THSD4: variants seen among roughly 807,000 people sequenced by gnomAD.
THSD4 encodes thrombospondin type-1 domain-containing protein 4.
Under a neutral mutation model 119.0 loss-of-function variants are expected in THSD4, and 69 were observed. The observed-to-expected ratio is 0.58, with a 90% CI of 0.48 to 0.71. THSD4 has a LOEUF of 0.71. THSD4 is among the 30% of genes least tolerant of loss of function. The probability of loss-of-function intolerance (pLI) is 0.00; values close to 1 mark genes in which losing one functional copy is unlikely to be tolerated. For synonymous variants in THSD4, 524 were observed against 540.4 expected (o/e 0.97, Z 0.42); for missense variants, 1,393 against 1,391.1 (o/e 1.00, Z -0.02).
At chr15:71,589,085 G>A (rs2049746769) in intron 7 of THSD4, among the ~76,000 whole-genome samples, 2 of 152,154 alleles carry the variant, frequency 1.3e-5, no homozygotes, top group Non-Finnish European at 2.9e-5. Flanking sequence ...TTTTACAATG[G>A]AGAGTTGGAG....
intron 3 of THSD4, among the ~76,000 whole-genome samples, chr15:71,193,724 T>G (rs2043693302): frequency 6.6e-6 from 1 of 152,194 alleles, no homozygotes; most frequent in African/African-American, 2.4e-5. Context: ...TTCTTTTTTT[T>G]TGAGACGGAG....
chr15:71,466,305 A>G (rs1190359942), intron 7 of THSD4, among the ~76,000 whole-genome samples: 1 of 151,356 alleles, frequency 6.6e-6, no homozygotes, highest in Non-Finnish European at 1.5e-5. Flanking sequence ...AGATTGCACC[A>G]CTGCACTCCA....
intron 1 of THSD4, among the ~76,000 whole-genome samples, chr15:71,121,327 G>T (rs964963377): frequency 1.3e-5 from 2 of 151,962 alleles, no homozygotes; most frequent in East Asian, 1.9e-4. Context: ...ACTATCTCAG[G>T]CGTGTAGAAA....
chr15:71,180,490 T>G (rs1354121205), intron 3 of THSD4, among the ~76,000 whole-genome samples: 1 of 152,056 alleles, frequency 6.6e-6, no homozygotes, highest in East Asian at 1.9e-4. Flanking sequence ...ATTATCTGAT[T>G]GTGGTGGTGG....
chr15:71,482,928 C>A (rs1397485113), intron 7 of THSD4, among the ~76,000 whole-genome samples: 1 of 152,148 alleles, frequency 6.6e-6, no homozygotes, highest in Non-Finnish European at 1.5e-5. Context: ...TTTCTCATAA[C>A]TGCCACCCTC....
intron 11 of THSD4, among the ~76,000 whole-genome samples, chr15:71,740,639 C>A (rs1281536174): frequency 3.3e-5 from 5 of 152,178 alleles, no homozygotes; most frequent in Non-Finnish European, 5.9e-5. Context: ...ACCAAATGTT[C>A]CAGTTTTTGC....
intron 6 of THSD4, among the ~76,000 whole-genome samples, chr15:71,379,948 G>T (rs1300724292): frequency 6.6e-6 from 1 of 152,044 alleles, no homozygotes; most frequent in Non-Finnish European, 1.5e-5. Flanking sequence ...AATATTTATG[G>T]ACACAAAAAG....
At chr15:71,239,320 CTG>C (rs2140271610) in intron 4 of THSD4, among the ~76,000 whole-genome samples, 1 of 152,300 alleles carries the variant, frequency 6.6e-6, no homozygotes, top group African/African-American at 2.4e-5. Context: ...ACGACCCTGA[CTG>C]TTATCTCCTT....
chr15:71,116,256 G>C (rs1189689219), intron 1 of THSD4, among the ~76,000 whole-genome samples: 3 of 152,256 alleles, frequency 2.0e-5, no homozygotes, highest in Non-Finnish European at 2.9e-5. Flanking sequence ...GAGTGGATGG[G>C]TTGTTTCCGC....
intron 17 of THSD4, among the ~76,000 whole-genome samples, 189 bp downstream of exon 17, chr15:71,771,397 G>A (rs1038047024): frequency 5.3e-5 from 8 of 152,150 alleles, no homozygotes; most frequent in Non-Finnish European, 1.2e-4. Context: ...TAGCGAGGAT[G>A]GCTGTCTAAG....
At chr15:71,551,658 T>C (rs542186351) in intron 7 of THSD4, among the ~76,000 whole-genome samples, 17 of 152,234 alleles carry the variant, frequency 1.1e-4, no homozygotes, top group East Asian at 7.7e-4. Flanking sequence ...GGTTTTTTTT[T>C]CCCAGGGAAG....
intron 7 of THSD4, chr15:71,547,535 T>G (rs1047229208): frequency 6.5e-7 from 1 of 1,542,260 alleles, no homozygotes; most frequent in African/African-American, 1.4e-5. Flanking sequence ...AGCATTATAT[T>G]TCCTCTTCTA....
intron 4 of THSD4, among the ~76,000 whole-genome samples, chr15:71,218,258 G>A (rs1046875598): frequency 4.6e-5 from 7 of 152,232 alleles, no homozygotes; most frequent in African/African-American, 1.7e-4. Context: ...CAGTGGACAA[G>A]CTGAGTTTTG....
At position 71,207,644 on chromosome 15, in the gene THSD4, A is replaced by G. The variant is rs1270934534; in HGVS notation, c.100-7391A>G. On this transcript the variant is annotated intron_variant, in intron 3 of 17. Transcript: ENST00000261862. The stretch of plus-strand genomic sequence containing the variant: ...GAGCGGCGGGTCAGCGGGCATTACC[A>G]TCTGAGCTCCACCTCCTGTCAGATG... Among the ~76,000 whole-genome samples, 2 of 152,226 alleles carry G rather than the reference A, an allele frequency of 1.3e-5. 1 individual carries two copies. The highest frequency in any genetic ancestry group is 2.9e-5 in the Non-Finnish European group (2 of 68,040).
At chr15:71,258,134 T>C (rs140260135) in intron 6 of THSD4, among the ~76,000 whole-genome samples, 3 of 152,266 alleles carry the variant, frequency 2.0e-5, no homozygotes, top group Non-Finnish European at 4.4e-5. Flanking sequence ...GTTAATAGTA[T>C]TGTACCAGCG....
chr15:71,523,862 A>G (rs1369790192), intron 7 of THSD4, among the ~76,000 whole-genome samples: 6 of 151,874 alleles, frequency 4.0e-5, no homozygotes, highest in Admixed American at 3.9e-4. Context: ...TTGGGATATC[A>G]GTAGCTATTG....
intron 7 of THSD4, among the ~76,000 whole-genome samples, chr15:71,495,890 A>C (rs1233021909): frequency 5.9e-5 from 9 of 152,202 alleles, no homozygotes; most frequent in Admixed American, 5.9e-4. Flanking sequence ...TGGTAGAGTC[A>C]CTAGAGGGAC....
At chr15:71,482,454 C>T (rs537112665) in intron 7 of THSD4, among the ~76,000 whole-genome samples, 1 of 152,114 alleles carries the variant, frequency 6.6e-6, no homozygotes, top group East Asian at 1.9e-4. Flanking sequence ...CCACACCCAG[C>T]TAATTTTTTG....
At chr15:71,634,988 A>G (rs889127913) in intron 7 of THSD4, among the ~76,000 whole-genome samples, 3 of 152,166 alleles carry the variant, frequency 2.0e-5, no homozygotes, top group Admixed American at 1.3e-4. Flanking sequence ...TTGCACACAA[A>G]AGCCTGATCC....
Sources: allele counts gnomAD v4.1 joint callset (sites outside exome capture counted in the v4.1 genomes callset), GRCh38; gene constraint gnomAD v4.1.1; transcripts MANE v1.5; gene names NCBI Gene and HGNC (gene_info 2026-07-23, HGNC 2026-07-21).